The following SPC25 variants were observed in gnomAD, a reference collection of about 807,000 sequenced individuals.
SPC25 encodes the protein SPC25 component of NDC80 kinetochore complex, also known as kinetochore protein Spc25.
A neutral mutation model predicts 29.6 loss-of-function variants in SPC25; 22 were observed. The ratio of observed to expected loss-of-function variants is 0.74; its 90% confidence interval spans 0.53 to 1.06. The LOEUF (loss-of-function observed/expected upper bound fraction) is 1.06, where lower values mean the gene tolerates loss of function less well. Among genes scored for constraint, SPC25 ranks in the 50% least tolerant of loss-of-function variants. The pLI is 0.00. For missense variants in SPC25, 230 were observed against 255.8 expected, an observed-to-expected ratio of 0.90 and a Z score of 0.69; for synonymous variants, 91 against 90.4, an observed-to-expected ratio of 1.01 and a Z score of -0.04.
At chr2:168,864,226 C>T (rs115228466) in intron 4 of SPC25, among the ~76,000 whole-genome samples, 4,561 of 151,798 alleles carry the variant, frequency 0.03, 222 homozygotes, top group African/African-American at 0.097. Context: ...ATCTGCCCAT[C>T]GCGGCCTCCC....
downstream of SPC25, among the ~76,000 whole-genome samples, chr2:168,870,034 G>T (rs566963725): frequency 4.3e-4 from 66 of 152,162 alleles, no homozygotes; most frequent in Non-Finnish European, 6.9e-4. Context: ...ACAGAACAGA[G>T]CCCTCAGAAA....
rs112247260 is a variant in SPC25 at position 168,881,965 on chromosome 2, G to A, written c.200-4581C>T. Reference sequence around the variant, plus strand: ...ATTCCTCAGGCAACAGGAAAATCTCGTTTACAGAGGTAACAAACAGAAAAT... The same window carrying A: ...ATTCCTCAGGCAACAGGAAAATCTCATTTACAGAGGTAACAAACAGAAAAT... On this transcript the variant is annotated intron_variant, in intron 3 of 6. Coordinates refer to ENST00000282074, the MANE Select transcript of SPC25 (RefSeq NM_020675.4). Among the ~76,000 whole-genome samples, 260 of 152,178 alleles carry A rather than the reference G, an allele frequency of 1.7e-3. 1 individual carries two copies. The highest frequency in any genetic ancestry group is 3.0e-3 in the African/African-American group (124 of 41,552).
chr2:168,877,158 A>C, intron 4 of SPC25, 80 bp downstream of exon 4: 1 of 1,489,516 alleles, frequency 6.7e-7, no homozygotes, highest in Non-Finnish European at 9.1e-7. Flanking sequence ...AATGAACTGG[A>C]ACAGGCAAGA....
At chr2:168,867,792 C>T (rs1217009926), downstream of SPC25, among the ~76,000 whole-genome samples, 15 of 152,216 alleles carry the variant, frequency 9.9e-5, no homozygotes, top group Admixed American at 9.8e-4. Flanking sequence ...TTAGACAGAT[C>T]AACGAGACAG....
intron 3 of SPC25, among the ~76,000 whole-genome samples, chr2:168,889,011 G>GTA (rs1160380457): frequency 1.0e-5 from 1 of 98,814 alleles, no homozygotes; most frequent in Non-Finnish European, 1.9e-5. Flanking sequence ...ACACATATAT[G>GTA]TATATATATA....
At chr2:168,863,398 G>C (rs1689606250) in intron 4 of SPC25, 1 of 984,564 alleles carries the variant, frequency 1.0e-6, no homozygotes. Context: ...CTGAGGAAAA[G>C]AGTGAAAGGA....
chr2:168,879,087 G>A (rs1559155333), intron 3 of SPC25, among the ~76,000 whole-genome samples: 1 of 152,176 alleles, frequency 6.6e-6, no homozygotes, highest in Non-Finnish European at 1.5e-5. Context: ...CTAAACTTTT[G>A]CAGGGGGAGG....
downstream of SPC25, among the ~76,000 whole-genome samples, chr2:168,866,823 G>T (rs1196572232): frequency 6.6e-6 from 1 of 151,756 alleles, no homozygotes; most frequent in African/African-American, 2.4e-5. Context: ...GATATGAACA[G>T]ACACTTGTCA....
downstream of SPC25, among the ~76,000 whole-genome samples, chr2:168,870,737 G>C (rs1442395618): frequency 5.8e-4 from 85 of 145,466 alleles, no homozygotes; most frequent in African/African-American, 1.7e-3. Context: ...GGAGAAATAG[G>C]AACACTTTTA....
chr2:168,864,299 G>GAGAC lies in SPC25; in HGVS notation n.419+9282_419+9285dup, dbSNP rs1413751232. 1.3e-3 allele frequency among the ~76,000 whole-genome samples: 188 copies of GAGAC among 142,750 alleles called. 1 individual carries two copies. The highest frequency in any genetic ancestry group is 4.5e-3 in the African/African-American group (170 of 37,966). 93.6% of individuals were successfully genotyped at this position (142,750 alleles called of 152,430 possible). A position where few individuals can be genotyped will look rare whatever the true frequency, so the allele number is the denominator to read the frequency against. On this transcript the variant is annotated intron_variant and non_coding_transcript_variant, in intron 4 of 4. Coordinates refer to the SPC25 transcript ENST00000479309. ...GCTGTGATCCTGTTTTTTTTTTTCT[G>GAGAC]AGACAGAGTCTTGCCCTGTTGCTGT...
intron 3 of SPC25, among the ~76,000 whole-genome samples, chr2:168,881,901 G>A (rs1370036529): frequency 6.6e-6 from 1 of 152,162 alleles, no homozygotes; most frequent in African/African-American, 2.4e-5. Context: ...AAGTGAGCAT[G>A]GAATTCTCAG....
chr2:168,877,137 C>T (rs1226959536), intron 4 of SPC25, 101 bp downstream of exon 4: 1 of 1,306,364 alleles, frequency 7.7e-7, no homozygotes, highest in Non-Finnish European at 1.1e-6. Flanking sequence ...GTACTGTAAT[C>T]CATTTTTAGC....
downstream of SPC25, among the ~76,000 whole-genome samples, chr2:168,868,839 C>T (rs1207190798): frequency 6.6e-6 from 1 of 152,162 alleles, no homozygotes; most frequent in Non-Finnish European, 1.5e-5. Flanking sequence ...AGAGGGAATC[C>T]TCCCTAACTC....
chr2:168,883,388 C>T (rs475467), intron 3 of SPC25, among the ~76,000 whole-genome samples: 133,247 of 152,242 alleles, frequency 0.88, 58,523 homozygotes, highest in African/African-American at 0.96. Flanking sequence ...TCATATATTA[C>T]GTCAAGTATA....
intron 4 of SPC25, among the ~76,000 whole-genome samples, chr2:168,861,672 C>T (rs1043769455): frequency 6.6e-5 from 10 of 152,090 alleles, no homozygotes; most frequent in African/African-American, 2.2e-4. Context: ...CCAAAACATG[C>T]ATGCAATTAC....
At position 168,863,412 on chromosome 2, in the gene SPC25, C is replaced by T. The variant is rs1015836419; in HGVS notation, n.419+10173G>A. ...GCTGAGGAAAAGAGTGAAAGGAAGA[C>T]TGAAAAATCACCTCAGAATGATGCC... On this transcript the variant is annotated intron_variant and non_coding_transcript_variant, in intron 4 of 4. Transcript: ENST00000479309. The T allele has an allele frequency of 2.0e-5, 20 of 984,712 alleles. No individual in the cohort carries two copies. The Admixed American group carries it at 1.0e-3, about 52-fold the overall frequency. 61.0% of individuals were successfully genotyped at this position (984,712 alleles called of 1,614,324 possible).
downstream of SPC25, among the ~76,000 whole-genome samples, chr2:168,868,671 C>T (rs1249609665): frequency 6.6e-6 from 1 of 152,182 alleles, no homozygotes; most frequent in Non-Finnish European, 1.5e-5. Flanking sequence ...AGTTGAATCT[C>T]TGAATAGGCC....
intron 3 of SPC25, among the ~76,000 whole-genome samples, chr2:168,881,859 G>A (rs1690181493): frequency 6.6e-6 from 1 of 152,168 alleles, no homozygotes; most frequent in Non-Finnish European, 1.5e-5. Context: ...ATCTTCAAAA[G>A]AGAAATACAC....
Position 168,874,130 on chromosome 2 carries a change from T to A in SPC25, c.452-447A>T, listed in dbSNP as rs554894170. Among the ~76,000 whole-genome samples the A allele has an allele frequency of 4.6e-5, 7 of 152,156 alleles. 1 individual carries two copies. Among genetic ancestry groups the A allele is most frequent in the Non-Finnish European group, 1.0e-4 (7 of 68,016 alleles). On this transcript the variant is annotated intron_variant, in intron 5 of 6. Transcript: ENST00000282074. ...AATGGCCATTAAGTCCACAAAAAGATGCTCAACATCATTAGTCATTATGTA... is the reference window on the plus strand; with the variant it reads ...AATGGCCATTAAGTCCACAAAAAGAAGCTCAACATCATTAGTCATTATGTA...
Sources: gnomAD v4.1 joint callset for allele counts (sites outside exome capture counted in the v4.1 genomes callset) on GRCh38, gnomAD v4.1.1 for gene constraint, MANE v1.5 for transcripts, NCBI Gene and HGNC (gene_info 2026-07-23, HGNC 2026-07-21) for gene names.